ZNF317: variants seen among roughly 807,000 people sequenced by gnomAD.
The protein encoded by ZNF317 is KRAB-containing zinc finger protein 317.
Under a neutral mutation model 23.4 loss-of-function variants are expected in ZNF317, and 17 were observed. That is an observed-to-expected ratio of 0.73 (90% CI 0.50 to 1.09). ZNF317 has a LOEUF of 1.09. ZNF317 is among the 50% of genes least tolerant of loss of function. The pLI, the probability that ZNF317 is intolerant of heterozygous loss-of-function variation, is 0.00. For missense variants in ZNF317, 679 were observed against 796.7 expected, an observed-to-expected ratio of 0.85 and a Z score of 1.78; for synonymous variants, 317 against 314.9, an observed-to-expected ratio of 1.01 and a Z score of -0.07.
chr19:9,153,595 G>C (rs546771899), intron 1 of ZNF317, among the ~76,000 whole-genome samples: 2 of 152,170 alleles, frequency 1.3e-5, no homozygotes, highest in Admixed American at 6.5e-5. Flanking sequence ...GATTACCTGG[G>C]CAAAGCATGA....
intron 4 of ZNF317, 48 bp from the exon 5 acceptor site, chr19:9,157,932 G>C: frequency 6.5e-7 from 1 of 1,540,310 alleles, no homozygotes; most frequent in Non-Finnish European, 8.8e-7. Flanking sequence ...GGAAGGGGTT[G>C]TCCTCTGCAT....
At position 9,161,469 on chromosome 19, in the gene ZNF317, C is replaced by T. The variant is rs768346748; in HGVS notation, c.*36C>T. On this transcript the variant is annotated 3_prime_UTR_variant, in exon 7 of 7. Coordinates refer to ENST00000247956, the MANE Select transcript of ZNF317 (RefSeq NM_020933.5). This position sits in a 1 kb window ranked among gnomAD's most constrained non-coding sequence, Gnocchi z 4.0. Reference sequence around the variant, plus strand: ...TTTAGAGACACAGGATGATTCAGACCGGAAACAGACCTCGTGGGTGTAAGA... The same window carrying T: ...TTTAGAGACACAGGATGATTCAGACTGGAAACAGACCTCGTGGGTGTAAGA... 2.5e-5 allele frequency: 39 copies of T among 1,574,306 alleles called. No individual in the cohort carries two copies. The highest frequency in any genetic ancestry group is 1.7e-4 in the Middle Eastern group (1 of 5,866).
In ZNF317 at chr19:9,161,520, A is replaced by C. The variant is rs1241145784; in HGVS notation, c.*87A>C. ...GGAAGCCTCTGTGAGCTCGCACCTT[A>C]CTGGGTGCAAAAGAATCCACGGAAC... On this transcript the variant is annotated 3_prime_UTR_variant, in exon 7 of 7. Transcript: ENST00000247956. The surrounding 1 kb of genome is among the most constrained non-coding windows in gnomAD (Gnocchi z 4.0). The C allele has an allele frequency of 2.7e-6, 4 of 1,506,060 alleles. No individual in the cohort carries two copies. The highest frequency in any genetic ancestry group is 3.6e-6 in the Non-Finnish European group (4 of 1,124,454). 93.3% of individuals were successfully genotyped at this position (1,506,060 alleles called of 1,614,324 possible). A position where few individuals can be genotyped will look rare whatever the true frequency, so the allele number is the denominator to read the frequency against.
intron 3 of ZNF317, 60 bp downstream of exon 3, chr19:9,156,808 G>T: frequency 1.3e-6 from 2 of 1,570,778 alleles, no homozygotes; most frequent in Non-Finnish European, 1.7e-6. Context: ...GACCCCACCA[G>T]TGCATGCTGG....
At chr19:9,143,427 C>T (rs1036479229) in intron 1 of ZNF317, among the ~76,000 whole-genome samples, 4 of 152,042 alleles carry the variant, frequency 2.6e-5, no homozygotes, top group Admixed American at 6.6e-5. Flanking sequence ...GAATGCCTGT[C>T]ACATCCCAAA....
At position 9,156,042 on chromosome 19, in the gene ZNF317, G is replaced by T. The variant is rs1339763728; in HGVS notation, c.25+1G>T. 6.2e-7 allele frequency: 1 copy of T among 1,614,170 alleles called. No individual in the cohort carries two copies. The highest frequency in any genetic ancestry group is 8.5e-7 in the Non-Finnish European group (1 of 1,180,038). On this transcript the variant is annotated splice_donor_variant, in intron 2 of 6. Transcript: ENST00000247956. LOFTEE classifies it high-confidence loss of function. Reference sequence around the variant, plus strand: ...ATGGCAGCTCTGTCCCCCACATTTGGTAAGTTCTTGGGTCAGTGCGTGCCC... The same window carrying T: ...ATGGCAGCTCTGTCCCCCACATTTGTTAAGTTCTTGGGTCAGTGCGTGCCC...
chr19:9,148,468 G>A (rs779134042), intron 1 of ZNF317, among the ~76,000 whole-genome samples: 1 of 152,186 alleles, frequency 6.6e-6, no homozygotes, highest in Non-Finnish European at 1.5e-5. Flanking sequence ...CCATAGGGCT[G>A]TGTCCTAGTA....
Position 9,160,084 on chromosome 19 carries a change from C to G in ZNF317, c.469-30C>G, listed in dbSNP as rs777332141. Reference sequence around the variant, plus strand: ...GGGTTGCAATGAATATGAGAATTGCCTTTGTCAGCACTTACGTCTTAACCA... The same window carrying G: ...GGGTTGCAATGAATATGAGAATTGCGTTTGTCAGCACTTACGTCTTAACCA... On this transcript the variant is annotated intron_variant, in intron 6 of 6. Coordinates refer to ENST00000247956, the MANE Select transcript of ZNF317 (RefSeq NM_020933.5). The surrounding 1 kb of genome is among the most constrained non-coding windows in gnomAD (Gnocchi z 6.8). 1.7e-5 allele frequency: 28 copies of G among 1,611,496 alleles called. No individual in the cohort carries two copies. Among genetic ancestry groups the G allele is most frequent in the Non-Finnish European group, 2.2e-5 (26 of 1,178,124 alleles).
intron 1 of ZNF317, among the ~76,000 whole-genome samples, chr19:9,146,268 CT>C (rs2050682048): frequency 6.6e-6 from 1 of 151,838 alleles, no homozygotes; most frequent in Non-Finnish European, 1.5e-5. Flanking sequence ...TCCCCACCCC[CT>C]GGGACATCTC....
intron 1 of ZNF317, among the ~76,000 whole-genome samples, chr19:9,143,590 C>CT (rs2050653760): frequency 7.1e-6 from 1 of 140,250 alleles, no homozygotes; most frequent in African/African-American, 2.8e-5. Context: ...AACTGCATTG[C>CT]TCTGTGGTCA....
intron 1 of ZNF317, among the ~76,000 whole-genome samples, chr19:9,151,154 C>A (rs951029143): frequency 1.3e-5 from 2 of 152,186 alleles, no homozygotes; most frequent in Admixed American, 6.5e-5. Flanking sequence ...GCCTCAGGAA[C>A]TGAGCCTCTG....
Position 9,147,330 on chromosome 19 carries a change from G to GTT in ZNF317, c.-93+6764_-93+6765dup, listed in dbSNP as rs35259257. ...TGGTGACAGCATTCCAATGACACTG[G>GTT]TTTTTTTTTTTTTTTTTTTTTTTTT... On this transcript the variant is annotated intron_variant, in intron 1 of 6. Coordinates refer to ENST00000247956, the MANE Select transcript of ZNF317 (RefSeq NM_020933.5). Among the ~76,000 whole-genome samples, 106 of 110,148 alleles carry GTT rather than the reference G, an allele frequency of 9.6e-4. 5 individuals are homozygous for GTT. Among genetic ancestry groups the GTT allele is most frequent in the Middle Eastern group, 5.0e-3 (1 of 200 alleles). The allele number at this position is 110,148 out of a possible 152,430, so 72.3% of individuals were successfully genotyped here.
In ZNF317 at chr19:9,147,485, C is replaced by T. The variant is rs145077391; in HGVS notation, c.-93+6893C>T. Among the ~76,000 whole-genome samples the T allele has an allele frequency of 9.7e-3, 1,473 of 152,034 alleles. 19 individuals carry two copies. The highest frequency in any genetic ancestry group is 0.03 in the African/African-American group (1,238 of 41,474). Reference sequence around the variant, plus strand: ...CCTCCTGAGTAGCTGGGACTACAGGCGCCCGCCACCGCGCCCGGCTAATTT... The same window carrying T: ...CCTCCTGAGTAGCTGGGACTACAGGTGCCCGCCACCGCGCCCGGCTAATTT... On this transcript the variant is annotated intron_variant, in intron 1 of 6. Coordinates refer to ENST00000247956, the MANE Select transcript of ZNF317 (RefSeq NM_020933.5).
At chr19:9,152,195 C>T (rs903137974) in intron 1 of ZNF317, among the ~76,000 whole-genome samples, 1 of 151,566 alleles carries the variant, frequency 6.6e-6, no homozygotes, top group African/African-American at 2.4e-5. Flanking sequence ...CGTGAGCCAC[C>T]GTGCCCAGCT....
At chr19:9,149,065 C>T (rs564228802) in intron 1 of ZNF317, among the ~76,000 whole-genome samples, 3 of 152,252 alleles carry the variant, frequency 2.0e-5, no homozygotes, top group Non-Finnish European at 2.9e-5. Flanking sequence ...ATGAGCAAGG[C>T]GTAAACTTTC....
Position 9,156,040 on chromosome 19 carries a change from T to C in ZNF317, c.24T>C (p.Phe8=), listed in dbSNP as rs2050778721. The change falls in exon 2 of 7, where the codon TTT becomes TTC. Residue 8 remains phenylalanine (F), a splice_region_variant and synonymous_variant. Coordinates refer to ENST00000247956, the MANE Select transcript of ZNF317 (RefSeq NM_020933.5). MAALSPT[F]ATSTQDSTCL... is the part of the protein sequence containing the mutation. Reference sequence around the variant, plus strand: ...GGATGGCAGCTCTGTCCCCCACATTTGGTAAGTTCTTGGGTCAGTGCGTGC... The same window carrying C: ...GGATGGCAGCTCTGTCCCCCACATTCGGTAAGTTCTTGGGTCAGTGCGTGC... 6.2e-7 allele frequency: 1 copy of C among 1,614,000 alleles called. No homozygotes were observed. Among genetic ancestry groups the C allele is most frequent in the Non-Finnish European group, 8.5e-7 (1 of 1,180,040 alleles).
chr19:9,151,785 T>C (rs1381356851), intron 1 of ZNF317, among the ~76,000 whole-genome samples: 2 of 152,200 alleles, frequency 1.3e-5, no homozygotes, highest in African/African-American at 4.8e-5. Flanking sequence ...TAAATCCCTA[T>C]CACATACATG....
intron 1 of ZNF317, among the ~76,000 whole-genome samples, chr19:9,142,061 C>T (rs1243647257): frequency 2.0e-5 from 3 of 152,182 alleles, no homozygotes; most frequent in Non-Finnish European, 2.9e-5. Context: ...CGGCCTTGGC[C>T]TCCCAAAGTG....
At chr19:9,149,580 A>C (rs1042119482) in intron 1 of ZNF317, among the ~76,000 whole-genome samples, 2 of 151,942 alleles carry the variant, frequency 1.3e-5, no homozygotes, top group South Asian at 4.2e-4. Flanking sequence ...TGGGGGAAAC[A>C]TTTCAAGCAG....
Sources: allele counts gnomAD v4.1 joint callset (sites outside exome capture counted in the v4.1 genomes callset), GRCh38; gene constraint gnomAD v4.1.1; non-coding constraint Gnocchi (gnomAD v3.1); transcripts MANE v1.5; gene names NCBI Gene and HGNC (gene_info 2026-07-23, HGNC 2026-07-21).